COL14A1: variants seen among roughly 807,000 people sequenced by gnomAD.
COL14A1 encodes collagen type XIV alpha 1 chain.
A neutral mutation model predicts 230.3 loss-of-function variants in COL14A1; 136 were observed. The observed-to-expected ratio is 0.59, with a 90% CI of 0.51 to 0.68. COL14A1 has a LOEUF of 0.68. Ranked by LOEUF, COL14A1 falls within the 30% of genes least tolerant of loss-of-function variation. COL14A1 has a pLI of 0.00. For synonymous variants in COL14A1, 792 were observed against 784.1 expected (o/e 1.01, Z -0.17); for missense variants, 1,976 against 2,215.8 (o/e 0.89, Z 2.17).
chr8:120,296,541 C>G (rs938740784), intron 34 of COL14A1, among the ~76,000 whole-genome samples: 2 of 151,856 alleles, frequency 1.3e-5, no homozygotes, highest in African/African-American at 2.4e-5. Flanking sequence ...CCAGTCTTTG[C>G]TGAAAACACC....
At chr8:120,212,381 T>C in intron 12 of COL14A1, 67 bp from the exon 13 acceptor site, 3 of 1,546,308 alleles carry the variant, frequency 1.9e-6, no homozygotes. Context: ...ACCTTTGTTC[T>C]GTTCCACTCT....
chr8:120,278,332 T>C, intron 27 of COL14A1, 98 bp downstream of exon 27: 2 of 1,467,674 alleles, frequency 1.4e-6, no homozygotes, highest in South Asian at 1.5e-5. Context: ...TTTTTAAAGA[T>C]TTTTTTTTTC....
At position 120,231,445 on chromosome 8, in the gene COL14A1, T is replaced by C. The variant is rs779069219; in HGVS notation, c.2198-22T>C. The C allele has an allele frequency of 2.3e-5, 37 of 1,609,374 alleles. No homozygotes were observed. The East Asian group carries it at 8.0e-4, about 35-fold the overall frequency. On this transcript the variant is annotated intron_variant, in intron 18 of 47. Coordinates refer to ENST00000297848, the MANE Select transcript of COL14A1 (RefSeq NM_021110.4). ...ATATGATATGTTAAAAGTTTTTTAA[T>C]CCTTGGTTGTGTTTATTCCAGTTTT...
intron 45 of COL14A1, among the ~76,000 whole-genome samples, chr8:120,357,655 C>T (rs984146409): frequency 6.6e-6 from 1 of 151,956 alleles, no homozygotes; most frequent in Non-Finnish European, 1.5e-5. Context: ...CTGTGCATTG[C>T]GAAGAGGGTG....
intron 34 of COL14A1, among the ~76,000 whole-genome samples, chr8:120,293,546 G>A (rs1820435485): frequency 6.6e-6 from 1 of 151,798 alleles, no homozygotes; most frequent in East Asian, 1.9e-4. Flanking sequence ...TGTAGATAGA[G>A]AAACTGAGAC....
At position 120,262,904 on chromosome 8, in the gene COL14A1, C is replaced by A. The variant is rs1819384533; in HGVS notation, c.2906C>A (p.Thr969Lys). ...QKQESTVGGG[T>K]TRHCFYGLQP... is the part of the protein sequence containing the mutation. Reference sequence around the variant, plus strand: ...CAAGAATCCACTGTGGGTGGAGGGACAACCAGGCATTGCTTCTATGGACTT... The same window carrying A: ...CAAGAATCCACTGTGGGTGGAGGGAAAACCAGGCATTGCTTCTATGGACTT... Residue 969 changes from threonine (T) to lysine (K), a missense_variant, in exon 24 of 48, where the codon ACA (threonine) becomes AAA (lysine). Thr to Lys is a moderately conservative substitution (Grantham distance 78, BLOSUM62 -1). Coordinates refer to ENST00000297848, the MANE Select transcript of COL14A1 (RefSeq NM_021110.4). The A allele has an allele frequency of 1.2e-6, 2 of 1,613,242 alleles. No individual in the cohort carries two copies. Among genetic ancestry groups the A allele is most frequent in the African/African-American group, 1.3e-5 (1 of 74,832 alleles).
intron 5 of COL14A1, among the ~76,000 whole-genome samples, chr8:120,194,781 T>C (rs2130701905): frequency 6.6e-6 from 1 of 152,306 alleles, no homozygotes; most frequent in African/African-American, 2.4e-5. Context: ...AGAAAACTAC[T>C]CTCCATTTGA....
At position 120,373,299 on chromosome 8, in the gene COL14A1, A is replaced by C. The variant is rs1303076147; in HGVS notation, c.*2068A>C. 1.3e-5 allele frequency among the ~76,000 whole-genome samples: 2 copies of C among 152,156 alleles called. No homozygotes were observed. The highest frequency in any genetic ancestry group is 4.8e-5 in the African/African-American group (2 of 41,432). Reference sequence around the variant, plus strand: ...GGCTTTGATTTCACTTGGTGATCTAAATTTGTTTATTTAAGCTGCAAGAAA... The same window carrying C: ...GGCTTTGATTTCACTTGGTGATCTACATTTGTTTATTTAAGCTGCAAGAAA... On this transcript the variant is annotated 3_prime_UTR_variant, in exon 48 of 48. Transcript: ENST00000297848.
intron 35 of COL14A1, 49 bp downstream of exon 35, chr8:120,297,637 T>A (rs1820568750): frequency 8.9e-7 from 1 of 1,126,464 alleles, no homozygotes; most frequent in African/African-American, 1.6e-5. Context: ...TGTATTTAAT[T>A]TTCTGGAAAT....
At chr8:120,126,806 A>G (rs1563623946) in intron 1 of COL14A1, among the ~76,000 whole-genome samples, 2 of 152,258 alleles carry the variant, frequency 1.3e-5, no homozygotes, top group Non-Finnish European at 2.9e-5. Flanking sequence ...GAATGAATAA[A>G]TGAATGAATG....
Position 120,281,017 on chromosome 8 carries a change from G to A in COL14A1, c.3782G>A (p.Cys1261Tyr). The A allele has an allele frequency of 6.2e-7, 1 of 1,611,734 alleles. No homozygotes were observed. ...CCTGGTACCTTCAATGTGTTTCCAT[G>A]TTACCAACTCCATAAAGATGCCCTG... Reference protein sequence around the residue: ...MEPGTFNVFPCYQLHKDALVS... With the variant: ...MEPGTFNVFPYYQLHKDALVS... The change falls in exon 31 of 48, where the codon TGT becomes TAT. Residue 1261 changes from cysteine (C) to tyrosine (Y), a missense_variant. Transcript: ENST00000297848.
intron 26 of COL14A1, among the ~76,000 whole-genome samples, chr8:120,275,523 C>T: frequency 6.6e-6 from 1 of 151,294 alleles, no homozygotes; most frequent in East Asian, 1.9e-4. Context: ...TTCTGAACAG[C>T]TAATCATCAG....
intron 26 of COL14A1, among the ~76,000 whole-genome samples, chr8:120,271,173 C>A (rs1002254092): frequency 6.6e-6 from 1 of 151,400 alleles, no homozygotes; most frequent in Non-Finnish European, 1.5e-5. Context: ...AGCTAAACAT[C>A]GAGTACATGT....
At position 120,135,410 on chromosome 8, in the gene COL14A1, C is replaced by T. The variant is rs534544510; in HGVS notation, c.-38+10070C>T. ...TCCTGAATAGCTGGGATTACAGAAGCGCACCACCACAGCCTGTCTAATTTT... is the reference window on the plus strand; with the variant it reads ...TCCTGAATAGCTGGGATTACAGAAGTGCACCACCACAGCCTGTCTAATTTT... On this transcript the variant is annotated intron_variant, in intron 1 of 47. Transcript: ENST00000297848. Among the ~76,000 whole-genome samples the T allele has an allele frequency of 2.3e-3, 349 of 152,136 alleles. 2 individuals are homozygous for T. The highest frequency in any genetic ancestry group is 7.8e-3 in the African/African-American group (322 of 41,510).
intron 45 of COL14A1, among the ~76,000 whole-genome samples, chr8:120,361,489 A>G (rs1823213505): frequency 6.6e-6 from 1 of 152,166 alleles, no homozygotes; most frequent in African/African-American, 2.4e-5. Context: ...ATTAACTCCA[A>G]TTAATCTGCC....
At chr8:120,158,309 A>G in intron 3 of COL14A1, 63 bp downstream of exon 3, 1 of 903,860 alleles carries the variant, frequency 1.1e-6, no homozygotes, top group South Asian at 1.4e-5. Context: ...GCAACTAAAA[A>G]CATGTAGTGC....
In COL14A1 at chr8:120,158,121, C is replaced by T. The variant is rs1267933593; in HGVS notation, c.89-9C>T. On this transcript the variant is annotated splice_polypyrimidine_tract_variant and intron_variant, in intron 2 of 47. Transcript: ENST00000297848. ...CAATGTTTACATCATTTTTGTTCTT[C>T]CTTTTCAGTGGCTCCACCCACAAGG... The T allele has an allele frequency of 7.0e-7, 1 of 1,431,770 alleles. No homozygotes were observed. Among genetic ancestry groups the T allele is most frequent in the Non-Finnish European group, 9.7e-7 (1 of 1,036,094 alleles). The allele number at this position is 1,431,770 out of a possible 1,614,324, so 88.7% of individuals were successfully genotyped here. A position where few individuals can be genotyped will look rare whatever the true frequency, so the allele number is the denominator to read the frequency against.
At chr8:120,338,672 T>C (rs1465408080) in intron 42 of COL14A1, among the ~76,000 whole-genome samples, 1 of 152,222 alleles carries the variant, frequency 6.6e-6, no homozygotes, top group Non-Finnish European at 1.5e-5. Flanking sequence ...AAGGTTTAGC[T>C]GAGTTAACAT....
At chr8:120,133,163 T>C (rs1478803798) in intron 1 of COL14A1, among the ~76,000 whole-genome samples, 5 of 150,048 alleles carry the variant, frequency 3.3e-5, no homozygotes, top group Non-Finnish European at 7.4e-5. Context: ...TTGCAGTGAG[T>C]TGAGATCGCG....
Sources: gnomAD v4.1 joint callset for allele counts (sites outside exome capture counted in the v4.1 genomes callset) on GRCh38, gnomAD v4.1.1 for gene constraint, MANE v1.5 for transcripts, NCBI Gene and HGNC (gene_info 2026-07-23, HGNC 2026-07-21) for gene names.